Variants in FRMPD4 observed in about 807,000 individuals in gnomAD.
The protein encoded by FRMPD4 is FERM and PDZ domain containing 4, also known as FERM and PDZ domain-containing protein 4.
In FRMPD4, 22 loss-of-function variants were observed where a neutral mutation model predicts 94.1. That is an observed-to-expected ratio of 0.23 (90% CI 0.17 to 0.33). FRMPD4 has a LOEUF of 0.33. FRMPD4 is among the 10% of genes least tolerant of loss of function. FRMPD4 has a pLI of 1.00. For synonymous variants in FRMPD4, 631 were observed against 548.6 expected (o/e 1.15, Z -2.10); for missense variants, 1,111 against 1,339.9 (o/e 0.83, Z 2.67).
chrX:12,190,520 G>T (rs1397843885), intron 1 of FRMPD4, among the ~76,000 whole-genome samples: 3 of 110,282 alleles, frequency 2.7e-5, no homozygotes, highest in Admixed American at 1.9e-4. Context: ...ACATTGTGGT[G>T]TTGGCAAAAG....
intron 3 of FRMPD4, among the ~76,000 whole-genome samples, chrX:12,005,056 C>T (rs1269059361): frequency 8.9e-6 from 1 of 112,020 alleles, no homozygotes; most frequent in African/African-American, 3.2e-5. Flanking sequence ...GTTTTAAATG[C>T]CTAAATAACA....
At chrX:12,311,998 T>C (rs5979581) in intron 1 of FRMPD4, among the ~76,000 whole-genome samples, 2,485 of 110,531 alleles carry the variant, frequency 0.022, 74 homozygotes, top group African/African-American at 0.078. Context: ...CAATACTCTT[T>C]AGTAAATGTA....
chrX:12,707,665 G>GTGT lies in FRMPD4; in HGVS notation c.1470+17_1470+19dup. On this transcript the variant is annotated intron_variant, in intron 13 of 16. Transcript: ENST00000675598. The stretch of plus-strand genomic sequence containing the variant: ...CTAGATGTGAAGGCAAGTTTCTCAG[G>GTGT]TGTTGACACATGGCCTTGCTGTCAA... The GTGT allele has an allele frequency of 2.6e-6, 3 of 1,162,306 alleles. No homozygotes were observed. Among genetic ancestry groups the GTGT allele is most frequent in the Non-Finnish European group, 3.5e-6 (3 of 858,542 alleles).
At chrX:12,360,325 T>G (rs190494857) in intron 1 of FRMPD4, among the ~76,000 whole-genome samples, 28 of 112,021 alleles carry the variant, frequency 2.5e-4, no homozygotes, top group East Asian at 2.2e-3. Context: ...TATAAAATTT[T>G]GCAAAAGATT....
intron 1 of FRMPD4, among the ~76,000 whole-genome samples, chrX:11,841,688 G>A (rs867047622): frequency 1.8e-5 from 2 of 109,123 alleles, no homozygotes. Flanking sequence ...TTTCTCCCAT[G>A]TTGTAGGTTG....
At chrX:12,290,686 A>G (rs768746873) in intron 1 of FRMPD4, among the ~76,000 whole-genome samples, 1 of 111,806 alleles carries the variant, frequency 8.9e-6, no homozygotes, top group Admixed American at 9.5e-5. Context: ...TATTCTTTCT[A>G]TTGATAAAAG....
At chrX:11,919,443 A>G in intron 3 of FRMPD4, among the ~76,000 whole-genome samples, 1 of 111,647 alleles carries the variant, frequency 9.0e-6, no homozygotes, top group Middle Eastern at 4.6e-3. Context: ...GACAGGGCCA[A>G]TAGGGAGTGG....
intron 2 of FRMPD4, among the ~76,000 whole-genome samples, chrX:12,590,717 G>T (rs1402801912): frequency 8.9e-6 from 1 of 111,824 alleles, no homozygotes; most frequent in Non-Finnish European, 1.9e-5. Context: ...AACCTTCAAG[G>T]AGTTCAGAAT....
chrX:12,540,242 T>A (rs771623685), intron 2 of FRMPD4, among the ~76,000 whole-genome samples: 10 of 111,344 alleles, frequency 9.0e-5, no homozygotes, highest in South Asian at 3.8e-4. Context: ...CAGAACAATA[T>A]TAACCTTAAA....
At chrX:11,919,861 A>G (rs1273381207) in intron 3 of FRMPD4, among the ~76,000 whole-genome samples, 1 of 112,504 alleles carries the variant, frequency 8.9e-6, no homozygotes, top group Non-Finnish European at 1.9e-5. Context: ...ACAGCACTGC[A>G]TGCTATCTGC....
intron 1 of FRMPD4, among the ~76,000 whole-genome samples, chrX:12,390,651 G>A (rs1256256656): frequency 8.9e-6 from 1 of 111,868 alleles, no homozygotes; most frequent in Non-Finnish European, 1.9e-5. Flanking sequence ...ACAGTACTTT[G>A]TTTATGGCTA....
chrX:11,862,024 GGGAGGTGCCACACACTTTTAAATGA>G (rs2053690245), intron 1 of FRMPD4, among the ~76,000 whole-genome samples: 1 of 110,369 alleles, frequency 9.1e-6, no homozygotes, highest in South Asian at 3.9e-4. Flanking sequence ...AAGGGGTTGG[GGGAGGTGCCACACACTTTTAAATGA>G]CCAGATCTCA....
chrX:12,383,881 A>G (rs956669071), intron 1 of FRMPD4, among the ~76,000 whole-genome samples: 3 of 111,811 alleles, frequency 2.7e-5, no homozygotes, highest in African/African-American at 9.8e-5. Flanking sequence ...GTGTCATGGA[A>G]TATTAGCACT....
chrX:12,503,931 T>A (rs2057951577), intron 2 of FRMPD4, among the ~76,000 whole-genome samples: 1 of 112,226 alleles, frequency 8.9e-6, no homozygotes, highest in East Asian at 2.8e-4. Context: ...CTTTTTCTCC[T>A]CTAAAAAGTT....
intron 4 of FRMPD4, among the ~76,000 whole-genome samples, chrX:12,670,445 A>G (rs972470153): frequency 8.9e-6 from 1 of 111,983 alleles, no homozygotes; most frequent in African/African-American, 3.2e-5. Flanking sequence ...CCACACATCT[A>G]CAACCATCTG....
At chrX:12,183,116 A>ATCTG (rs1475369117) in intron 1 of FRMPD4, among the ~76,000 whole-genome samples, 2 of 110,430 alleles carry the variant, frequency 1.8e-5, no homozygotes, top group African/African-American at 3.3e-5. Flanking sequence ...GTTGCTATCT[A>ATCTG]TCTATCTATA....
chrX:12,084,713 C>CTTCT (rs1479255926), intron 3 of FRMPD4, among the ~76,000 whole-genome samples: 1 of 112,137 alleles, frequency 8.9e-6, no homozygotes, highest in Non-Finnish European at 1.9e-5. Context: ...TTAAAAGCAT[C>CTTCT]TTCTTACATA....
rs139357278 is a variant in FRMPD4 at position 12,546,812 on chromosome X, T to C, written c.158+48016T>C. 9.7e-3 allele frequency among the ~76,000 whole-genome samples: 1,061 copies of C among 108,884 alleles called. 9 individuals carry two copies. The highest frequency in any genetic ancestry group is 0.017 in the Non-Finnish European group (876 of 52,500). The allele number at this position is 108,884 out of a possible 115,157, so 94.6% of individuals were successfully genotyped here. On this transcript the variant is annotated intron_variant, in intron 2 of 16. Coordinates refer to ENST00000675598, the MANE Select transcript of FRMPD4 (RefSeq NM_001368397.1). Reference sequence around the variant, plus strand: ...ACCCAGCAAACGCCATAGAGGTGGGTCCAGCTGAGGCTTTACCTGGCACTG... The same window carrying C: ...ACCCAGCAAACGCCATAGAGGTGGGCCCAGCTGAGGCTTTACCTGGCACTG...
At chrX:12,055,359 G>A (rs1229851444) in intron 3 of FRMPD4, among the ~76,000 whole-genome samples, 2 of 111,292 alleles carry the variant, frequency 1.8e-5, no homozygotes, top group African/African-American at 3.3e-5. Context: ...AATCCTCATG[G>A]CCTGGTACTT....
Sources: gnomAD v4.1 joint callset for allele counts (sites outside exome capture counted in the v4.1 genomes callset) on GRCh38, gnomAD v4.1.1 for gene constraint, MANE v1.5 for transcripts, NCBI Gene and HGNC (gene_info 2026-07-23, HGNC 2026-07-21) for gene names.